Variants in SPATA6 observed in about 807,000 individuals in gnomAD.
The protein encoded by SPATA6 is spermatogenesis associated 6.
SPATA6 carries 56 observed loss-of-function variants against 65.3 expected under a neutral mutation model. The ratio of observed to expected loss-of-function variants is 0.86; its 90% confidence interval spans 0.69 to 1.07. The LOEUF (loss-of-function observed/expected upper bound fraction) is 1.07. SPATA6 is among the 50% of genes least tolerant of loss of function. The pLI, the probability that SPATA6 is intolerant of heterozygous loss-of-function variation, is 0.00. For synonymous variants in SPATA6, 199 were observed against 213.2 expected, an observed-to-expected ratio of 0.93 and a Z score of 0.58; for missense variants, 590 against 594.8, an observed-to-expected ratio of 0.99 and a Z score of 0.08.
chr1:48,345,969 G>A (rs1274701064), intron 11 of SPATA6, among the ~76,000 whole-genome samples: 1 of 152,084 alleles, frequency 6.6e-6, no homozygotes, highest in African/African-American at 2.4e-5. Flanking sequence ...TTGAGGATGA[G>A]GAACTACTCT....
chr1:48,445,950 C>G (rs1656009760), intron 3 of SPATA6, among the ~76,000 whole-genome samples: 1 of 152,012 alleles, frequency 6.6e-6, no homozygotes, highest in African/African-American at 2.4e-5. Context: ...AATGTATAAG[C>G]AATCAAGACC....
intron 3 of SPATA6, among the ~76,000 whole-genome samples, chr1:48,431,999 A>G (rs887240935): frequency 7.2e-5 from 11 of 152,174 alleles, no homozygotes; most frequent in Admixed American, 7.2e-4. Flanking sequence ...AGCCCCAGCT[A>G]TGTGGGAGCC....
Position 48,395,527 on chromosome 1 carries a change from C to T in SPATA6, c.781-173G>A, listed in dbSNP as rs538367835. 2.2e-4 allele frequency among the ~76,000 whole-genome samples: 33 copies of T among 151,748 alleles called. No homozygotes were observed. In the South Asian group the frequency reaches 6.7e-3, roughly 31 times the overall value. ...GAGTTTATTCAAGTATTTTGTTGTT[C>T]GTTGCAAAATAAAATTGAAATTTAA... On this transcript the variant is annotated intron_variant, in intron 7 of 12. Transcript: ENST00000371847.
intron 8 of SPATA6, among the ~76,000 whole-genome samples, chr1:48,389,841 A>T (rs956811837): frequency 6.6e-6 from 1 of 152,200 alleles, no homozygotes; most frequent in African/African-American, 2.4e-5. Context: ...AACACACGAA[A>T]ATACAAAACT....
intron 7 of SPATA6, among the ~76,000 whole-genome samples, chr1:48,396,673 C>T (rs1301792772): frequency 1.3e-5 from 2 of 151,520 alleles, no homozygotes; most frequent in Non-Finnish European, 3.0e-5. Context: ...CGAAATAGGA[C>T]ACATGATGTA....
chr1:48,376,456 AT>A (rs1235991192), intron 9 of SPATA6, among the ~76,000 whole-genome samples: 3 of 151,604 alleles, frequency 2.0e-5, no homozygotes, highest in Admixed American at 6.6e-5. Context: ...AAATCTAACA[AT>A]TTTTCTTAAG....
intron 11 of SPATA6, among the ~76,000 whole-genome samples, chr1:48,308,454 T>A (rs1645115991): frequency 6.6e-6 from 1 of 152,130 alleles, no homozygotes; most frequent in Non-Finnish European, 1.5e-5. Flanking sequence ...TGTGAGGTCA[T>A]CTCTTAAATC....
At chr1:48,368,676 T>G (rs1647119372) in intron 9 of SPATA6, among the ~76,000 whole-genome samples, 1 of 152,242 alleles carries the variant, frequency 6.6e-6, no homozygotes. Context: ...CTGCATTGGT[T>G]ATTCTAGTTA....
In SPATA6 at chr1:48,428,775, A is replaced by ATGTGTGTGTGTGTGTGTGTG. The variant is rs59651745; in HGVS notation, c.239-15644_239-15625dup. Reference sequence around the variant, plus strand: ...CACGGTCAACTGTATAGGTGTATATATGTGTGTGTGTGTGTGTGTGTGTGT... The same window carrying ATGTGTGTGTGTGTGTGTGTG: ...CACGGTCAACTGTATAGGTGTATATATGTGTGTGTGTGTGTGTGTGTGTGTGTGTGTGTGTGTGTGTGTGT... On this transcript the variant is annotated intron_variant, in intron 3 of 12. Transcript: ENST00000371847. 5.9e-3 allele frequency among the ~76,000 whole-genome samples: 785 copies of ATGTGTGTGTGTGTGTGTGTG among 133,498 alleles called. 3 individuals are homozygous for ATGTGTGTGTGTGTGTGTGTG. Among genetic ancestry groups the ATGTGTGTGTGTGTGTGTGTG allele is most frequent in the Non-Finnish European group, 8.9e-3 (560 of 63,040 alleles). 87.6% of individuals were successfully genotyped at this position (133,498 alleles called of 152,430 possible).
Position 48,396,954 on chromosome 1 carries a change from A to C in SPATA6, c.781-1600T>G, listed in dbSNP as rs564878198. On this transcript the variant is annotated intron_variant, in intron 7 of 12. Coordinates refer to ENST00000371847, the MANE Select transcript of SPATA6 (RefSeq NM_019073.4). ...TATATAACCACAATTTAAAAAAACA[A>C]ATTTTTTTAAAAGACAGCCCACACA... Among the ~76,000 whole-genome samples, 7 of 151,830 alleles carry C rather than the reference A, an allele frequency of 4.6e-5. No homozygotes were observed. In the East Asian group the frequency reaches 1.4e-3, roughly 29 times the overall value.
chr1:48,332,417 A>C (rs1246003178), intron 11 of SPATA6, among the ~76,000 whole-genome samples: 1 of 152,246 alleles, frequency 6.6e-6, no homozygotes. Context: ...GAAAACTGAA[A>C]AAGGCAGAGT....
At chr1:48,288,265 A>G in the SPATA6 span, among the ~76,000 whole-genome samples, 1 of 152,174 alleles carries the variant, frequency 6.6e-6, no homozygotes, top group Non-Finnish European at 1.5e-5. Flanking sequence ...TCTTTTCTTG[A>G]AGTGTCTTTG....
the SPATA6 span, among the ~76,000 whole-genome samples, chr1:48,283,678 C>CAAAAAAAA: frequency 6.6e-5 from 4 of 60,822 alleles, no homozygotes; most frequent in African/African-American, 2.4e-4. Flanking sequence ...GACTCCGTCT[C>CAAAAAAAA]AAAAAAAAAA....
intron 10 of SPATA6, 37 bp from the exon 11 acceptor site, chr1:48,355,806 A>C (rs1646643354): frequency 6.6e-7 from 1 of 1,513,004 alleles, no homozygotes; most frequent in Non-Finnish European, 9.2e-7. Context: ...TTGTTACTAA[A>C]ATCAGGTAAT....
intron 1 of SPATA6, among the ~76,000 whole-genome samples, chr1:48,454,941 AT>A (rs1656887244): frequency 6.6e-6 from 1 of 152,250 alleles, no homozygotes; most frequent in Non-Finnish European, 1.5e-5. Flanking sequence ...CGTTGAATAA[AT>A]GACAAATACT....
intron 11 of SPATA6, among the ~76,000 whole-genome samples, chr1:48,349,795 A>G (rs1277794729): frequency 1.3e-5 from 2 of 151,892 alleles, no homozygotes; most frequent in Admixed American, 1.3e-4. Context: ...GTGAATTAAT[A>G]GATCATTCTT....
At chr1:48,374,248 GATTATC>G (rs1647630145) in intron 9 of SPATA6, among the ~76,000 whole-genome samples, 1 of 150,902 alleles carries the variant, frequency 6.6e-6, no homozygotes, top group Non-Finnish European at 1.5e-5. Flanking sequence ...TCTATTACAA[GATTATC>G]ATGCAAAAAT....
At chr1:48,459,964 T>C (rs1657303301) in intron 1 of SPATA6, among the ~76,000 whole-genome samples, 1 of 152,092 alleles carries the variant, frequency 6.6e-6, no homozygotes, top group African/African-American at 2.4e-5. Flanking sequence ...ATTTGTGGGA[T>C]GTAATTAAGT....
chr1:48,292,487 G>T (rs139353382), downstream of SPATA6, among the ~76,000 whole-genome samples: 1 of 152,352 alleles, frequency 6.6e-6, no homozygotes, highest in African/African-American at 2.4e-5. Context: ...GAAGTTGGCA[G>T]TCAAGACTGG....
Sources: gnomAD v4.1 joint callset for allele counts (sites outside exome capture counted in the v4.1 genomes callset) on GRCh38, gnomAD v4.1.1 for gene constraint, MANE v1.5 for transcripts, NCBI Gene and HGNC (gene_info 2026-07-23, HGNC 2026-07-21) for gene names.